OR2A2: variants seen among roughly 807,000 people sequenced by gnomAD.
OR2A2 encodes the protein olfactory receptor 2A2.
For missense variants in OR2A2, 380 were observed against 384.8 expected, an observed-to-expected ratio of 0.99 and a Z score of 0.10; for synonymous variants, 163 against 154.8, an observed-to-expected ratio of 1.05 and a Z score of -0.40.
At position 144,109,888 on chromosome 7, in the gene OR2A2, G is replaced by A. The variant is rs367713543; in HGVS notation, c.306G>A (p.Leu102=). ...TTCCATGCATAATGCAGACTTTTTT[G>A]TATTTGGCTTTTGCTGTTACAGAGT... ...SFVPCIMQTF[L]YLAFAVTECL... is the part of the protein sequence containing the mutation. Residue 102 remains leucine (L), a synonymous_variant, in exon 1 of 1, where the codon TTG becomes TTA. Transcript: ENST00000408979. 5.0e-6 allele frequency: 8 copies of A among 1,613,968 alleles called. No homozygotes were observed. In the African/African-American group the frequency reaches 5.3e-5, roughly 11 times the overall value.
Position 144,109,767 on chromosome 7 carries a change from T to C in OR2A2, c.185T>C (p.Leu62Pro). 6.2e-7 allele frequency: 1 copy of C among 1,614,142 alleles called. No individual in the cohort carries two copies. The highest frequency in any genetic ancestry group is 8.5e-7 in the Non-Finnish European group (1 of 1,179,968). ...SKLHTPMYFF[L>P]SHLAIIDMSY... ...CTTCACACACCCATGTACTTCTTCC[T>C]CTCACACCTGGCCATCATTGACATG... Residue 62 changes from leucine (L) to proline (P), a missense_variant, in exon 1 of 1, where the codon CTC becomes CCC. Physicochemically the swap from Leu to Pro is moderately conservative, Grantham distance 98. Coordinates refer to ENST00000408979, the MANE Select transcript of OR2A2 (RefSeq NM_001005480.2).
At position 144,109,792 on chromosome 7, in the gene OR2A2, G is replaced by A. The variant is rs1173078389; in HGVS notation, c.210G>A (p.Met70Ile). The change falls in exon 1 of 1, where the codon ATG becomes ATA. Residue 70 changes from methionine (M) to isoleucine (I), a missense_variant. Met to Ile is a conservative substitution (Grantham distance 10, BLOSUM62 1). Coordinates refer to ENST00000408979, the MANE Select transcript of OR2A2 (RefSeq NM_001005480.2). ...FFLSHLAIID[M>I]SYASNNVPKM... The stretch of plus-strand genomic sequence containing the variant: ...TCTCACACCTGGCCATCATTGACAT[G>A]TCCTATGCTTCCAACAATGTTCCCA... The A allele has an allele frequency of 3.1e-6, 5 of 1,613,950 alleles. No homozygotes were observed. In the African/African-American group the frequency reaches 5.3e-5, roughly 17 times the overall value.
At position 144,110,039 on chromosome 7, in the gene OR2A2, GC is replaced by G; in HGVS notation, c.460del (p.Leu154CysfsTer10). On this transcript the variant is annotated frameshift_variant, in exon 1 of 1. Coordinates refer to ENST00000408979, the MANE Select transcript of OR2A2 (RefSeq NM_001005480.2). LOFTEE classifies it low-confidence loss of function (END_TRUNC). ...LVLTSWSCGF[A>X]LSLVHEILLL... ...TCTCACGTCCTGGTCATGTGGGTTT[GC>G]CCTGTCCCTGGTACATGAAATTCTC... 6.2e-7 allele frequency: 1 copy of G among 1,613,946 alleles called. No individual in the cohort carries two copies. Among genetic ancestry groups the G allele is most frequent in the Non-Finnish European group, 8.5e-7 (1 of 1,179,910 alleles).
In OR2A2 at chr7:144,110,272, G is replaced by T. The variant is rs1196779715; in HGVS notation, c.690G>T (p.Lys230Asn). ...GGGCCATCCTGAAGATCCAGACAAAGGAGGGCCGCATAAAGGCCTTCTCCA... is the reference window on the plus strand; with the variant it reads ...GGGCCATCCTGAAGATCCAGACAAATGAGGGCCGCATAAAGGCCTTCTCCA... ...ILGAILKIQTKEGRIKAFSTC... is the reference protein window; with the variant it reads ...ILGAILKIQTNEGRIKAFSTC... Residue 230 changes from lysine to asparagine, a missense_variant, in exon 1 of 1, where the codon AAG becomes AAT. Lys to Asn is a moderately conservative substitution (Grantham distance 94). Transcript: ENST00000408979. The T allele has an allele frequency of 3.7e-6, 6 of 1,613,750 alleles. No homozygotes were observed. Among genetic ancestry groups the T allele is most frequent in the Non-Finnish European group, 5.1e-6 (6 of 1,179,862 alleles).
In OR2A2 at chr7:144,109,775, C is replaced by G. The variant is rs1031257932; in HGVS notation, c.193C>G (p.Leu65Val). The change falls in exon 1 of 1, where the codon CTG becomes GTG. Residue 65 changes from leucine to valine, a missense_variant. Coordinates refer to ENST00000408979, the MANE Select transcript of OR2A2 (RefSeq NM_001005480.2). ...ACCCATGTACTTCTTCCTCTCACAC[C>G]TGGCCATCATTGACATGTCCTATGC... ...HTPMYFFLSH[L>V]AIIDMSYASN... 7 of 1,614,132 alleles carry G rather than the reference C, an allele frequency of 4.3e-6. No homozygotes were observed. The highest frequency in any genetic ancestry group is 2.2e-5 in the East Asian group (1 of 44,882).
chr7:144,110,238 A>G lies in OR2A2; in HGVS notation c.656A>G (p.His219Arg). ...PLSLILVSYM[H>R]ILGAILKIQT... Reference sequence around the variant, plus strand: ...TCCTTGATTCTGGTCTCCTACATGCACATCCTCGGGGCCATCCTGAAGATC... The same window carrying G: ...TCCTTGATTCTGGTCTCCTACATGCGCATCCTCGGGGCCATCCTGAAGATC... The change falls in exon 1 of 1, where the codon CAC (histidine) becomes CGC (arginine). Residue 219 changes from histidine to arginine, a missense_variant. His to Arg is a conservative substitution (Grantham distance 29, BLOSUM62 0). Transcript: ENST00000408979. 6.2e-7 allele frequency: 1 copy of G among 1,614,030 alleles called. No individual in the cohort carries two copies. The highest frequency in any genetic ancestry group is 1.1e-5 in the South Asian group (1 of 91,078).
Position 144,109,608 on chromosome 7 carries a change from C to T in OR2A2, c.26C>T (p.Thr9Ile). 6.2e-7 allele frequency: 1 copy of T among 1,612,758 alleles called. No homozygotes were observed. Among genetic ancestry groups the T allele is most frequent in the Non-Finnish European group, 8.5e-7 (1 of 1,179,090 alleles). MEGNQTWI[T>I]DITLLGFQVG... ...ATGGAAGGCAACCAGACATGGATCACAGACATCACCCTGCTGGGATTCCAG... is the reference window on the plus strand; with the variant it reads ...ATGGAAGGCAACCAGACATGGATCATAGACATCACCCTGCTGGGATTCCAG... Residue 9 changes from threonine (T) to isoleucine (I), a missense_variant, in exon 1 of 1, where the codon ACA becomes ATA. Physicochemically the swap from Thr to Ile is moderately conservative, Grantham distance 89. Transcript: ENST00000408979.
In OR2A2 at chr7:144,109,876, G is replaced by A. The variant is rs2128805010; in HGVS notation, c.294G>A (p.Met98Ile). Residue 98 changes from methionine to isoleucine, a missense_variant, in exon 1 of 1, where the codon ATG becomes ATA. Met to Ile is a conservative substitution (Grantham distance 10, BLOSUM62 1). Transcript: ENST00000408979. ...CCATCTCCTTTGTTCCATGCATAAT[G>A]CAGACTTTTTTGTATTTGGCTTTTG... ...KRTISFVPCI[M>I]QTFLYLAFAV... The A allele has an allele frequency of 2.5e-6, 4 of 1,614,094 alleles. No individual in the cohort carries two copies. The South Asian group carries it at 3.3e-5, about 13-fold the overall frequency.
In OR2A2 at chr7:144,110,229, C is replaced by T. The variant is rs755445994; in HGVS notation, c.647C>T (p.Ser216Phe). The T allele has an allele frequency of 1.2e-6, 2 of 1,614,096 alleles. No homozygotes were observed. The highest frequency in any genetic ancestry group is 1.1e-5 in the South Asian group (1 of 91,074). The change falls in exon 1 of 1, where the codon TCC becomes TTC. Residue 216 changes from serine to phenylalanine, a missense_variant. Transcript: ENST00000408979. ...LVGPLSLILV[S>F]YMHILGAILK... ...GGGCCTCTTTCCTTGATTCTGGTCTCCTACATGCACATCCTCGGGGCCATC... is the reference window on the plus strand; with the variant it reads ...GGGCCTCTTTCCTTGATTCTGGTCTTCTACATGCACATCCTCGGGGCCATC...
At position 144,109,976 on chromosome 7, in the gene OR2A2, A is replaced by G. The variant is rs747290203; in HGVS notation, c.394A>G (p.Thr132Ala). The G allele has an allele frequency of 2.5e-6, 4 of 1,613,980 alleles. No individual in the cohort carries two copies. The South Asian group carries it at 4.4e-5, about 18-fold the overall frequency. Residue 132 changes from threonine to alanine, a missense_variant, in exon 1 of 1, where the codon ACT (threonine) becomes GCT (alanine). Transcript: ENST00000408979. Reference protein sequence around the residue: ...YVAICHPFQYTVIMSWRVCTI... With the variant: ...YVAICHPFQYAVIMSWRVCTI... ...GGCCATCTGCCACCCTTTCCAGTACACTGTCATCATGAGCTGGAGAGTGTG... is the reference window on the plus strand; with the variant it reads ...GGCCATCTGCCACCCTTTCCAGTACGCTGTCATCATGAGCTGGAGAGTGTG...
At position 144,109,675 on chromosome 7, in the gene OR2A2, T is replaced by C; in HGVS notation, c.93T>C (p.Ser31=). Residue 31 remains serine, a synonymous_variant, in exon 1 of 1, where the codon TCT becomes TCC. Transcript: ENST00000408979. The stretch of plus-strand genomic sequence containing the variant: ...CGATTCTCCTCTGTGGACTCTTCTC[T>C]GTCTTCTATACACTCACCCTGCTGG... The part of the protein sequence containing the change: ...ALAILLCGLF[S]VFYTLTLLGN... 2.5e-6 allele frequency: 4 copies of C among 1,613,980 alleles called. No homozygotes were observed. The highest frequency in any genetic ancestry group is 1.7e-4 in the Middle Eastern group (1 of 6,058).
rs768549774 is a variant in OR2A2, at chr7:144,109,615, C to G, written c.33C>G (p.Ile11Met). MEGNQTWITD[I>M]TLLGFQVGPA... ...GCAACCAGACATGGATCACAGACAT[C>G]ACCCTGCTGGGATTCCAGGTTGGTC... Residue 11 changes from isoleucine to methionine, a missense_variant, in exon 1 of 1, where the codon ATC becomes ATG. Ile to Met is a conservative substitution (Grantham distance 10). Coordinates refer to ENST00000408979, the MANE Select transcript of OR2A2 (RefSeq NM_001005480.2). 3 of 1,613,314 alleles carry G rather than the reference C, an allele frequency of 1.9e-6. No individual in the cohort carries two copies. The South Asian group carries it at 3.3e-5, about 18-fold the overall frequency.
At position 144,109,872 on chromosome 7, in the gene OR2A2, T is replaced by C; in HGVS notation, c.290T>C (p.Ile97Thr). Residue 97 changes from isoleucine to threonine, a missense_variant, in exon 1 of 1, where the codon ATA becomes ACA. Physicochemically the swap from Ile to Thr is moderately conservative, Grantham distance 89. Coordinates refer to ENST00000408979, the MANE Select transcript of OR2A2 (RefSeq NM_001005480.2). ...QKRTISFVPCIMQTFLYLAFA... is the reference protein window; with the variant it reads ...QKRTISFVPCTMQTFLYLAFA... Reference sequence around the variant, plus strand: ...AGAACCATCTCCTTTGTTCCATGCATAATGCAGACTTTTTTGTATTTGGCT... The same window carrying C: ...AGAACCATCTCCTTTGTTCCATGCACAATGCAGACTTTTTTGTATTTGGCT... The C allele has an allele frequency of 1.2e-6, 2 of 1,614,146 alleles. No homozygotes were observed. Among genetic ancestry groups the C allele is most frequent in the Non-Finnish European group, 1.7e-6 (2 of 1,179,974 alleles).
In OR2A2 at chr7:144,109,593, A is replaced by T; in HGVS notation, c.11A>T (p.Asn4Ile). The change falls in exon 1 of 1, where the codon AAC (asparagine) becomes ATC (isoleucine). Residue 4 changes from asparagine (N) to isoleucine (I), a missense_variant. By Grantham distance (149) the Asn-to-Ile change is moderately radical. Coordinates refer to ENST00000408979, the MANE Select transcript of OR2A2 (RefSeq NM_001005480.2). MEG[N>I]QTWITDITLL... Reference sequence around the variant, plus strand: ...CTCTGCCACAAGAGCATGGAAGGCAACCAGACATGGATCACAGACATCACC... The same window carrying T: ...CTCTGCCACAAGAGCATGGAAGGCATCCAGACATGGATCACAGACATCACC... The T allele has an allele frequency of 6.2e-7, 1 of 1,610,142 alleles. No individual in the cohort carries two copies. Among genetic ancestry groups the T allele is most frequent in the Non-Finnish European group, 8.5e-7 (1 of 1,177,148 alleles).
In OR2A2 at chr7:144,110,330, T is replaced by G; in HGVS notation, c.748T>G (p.Phe250Val). The G allele has an allele frequency of 1.2e-6, 2 of 1,614,092 alleles. No individual in the cohort carries two copies. Among genetic ancestry groups the G allele is most frequent in the Non-Finnish European group, 1.7e-6 (2 of 1,179,952 alleles). Residue 250 changes from phenylalanine (F) to valine (V), a missense_variant, in exon 1 of 1, where the codon TTC (phenylalanine) becomes GTC (valine). Transcript: ENST00000408979. Reference protein sequence around the residue: ...CSSHLCVVGLFFGIAMVVYMV... With the variant: ...CSSHLCVVGLVFGIAMVVYMV... ...CTCCCACCTGTGTGTGGTTGGACTA[T>G]TCTTTGGCATAGCCATGGTGGTTTA...
In OR2A2 at chr7:144,110,025, G is replaced by C. The variant is rs758530486; in HGVS notation, c.443G>C (p.Trp148Ser). ...RVCTILVLTS[W>S]SCGFALSLVH... ...TGCACGATCCTGGTTCTCACGTCCT[G>C]GTCATGTGGGTTTGCCCTGTCCCTG... is the stretch of plus-strand genomic sequence containing the variant. The change falls in exon 1 of 1, where the codon TGG (tryptophan) becomes TCG (serine). Residue 148 changes from tryptophan to serine, a missense_variant. Transcript: ENST00000408979. The C allele has an allele frequency of 9.3e-6, 15 of 1,613,984 alleles. 1 individual carries two copies. In the South Asian group the frequency reaches 1.6e-4, roughly 18 times the overall value.
At position 144,110,242 on chromosome 7, in the gene OR2A2, C is replaced by T. The variant is rs777302846; in HGVS notation, c.660C>T (p.Ile220=). Residue 220 remains isoleucine (I), a synonymous_variant, in exon 1 of 1, where the codon ATC becomes ATT. Coordinates refer to ENST00000408979, the MANE Select transcript of OR2A2 (RefSeq NM_001005480.2). ...LSLILVSYMH[I]LGAILKIQTK... is the part of the protein sequence containing the mutation. Reference sequence around the variant, plus strand: ...TGATTCTGGTCTCCTACATGCACATCCTCGGGGCCATCCTGAAGATCCAGA... The same window carrying T: ...TGATTCTGGTCTCCTACATGCACATTCTCGGGGCCATCCTGAAGATCCAGA... The T allele has an allele frequency of 6.2e-7, 1 of 1,614,102 alleles. No homozygotes were observed. The highest frequency in any genetic ancestry group is 2.2e-5 in the East Asian group (1 of 44,878).
rs748028108 is a variant in OR2A2 at position 144,110,518 on chromosome 7, G to A, written c.936G>A (p.Thr312=). The change falls in exon 1 of 1, where the codon ACG becomes ACA. Residue 312 remains threonine (T), a synonymous_variant. Coordinates refer to ENST00000408979, the MANE Select transcript of OR2A2 (RefSeq NM_001005480.2). ...TCCAGAGGAAGAGGTCCATGAGAACGGTGTATGGGCTTTGCCTTTAAAACA... is the reference window on the plus strand; with the variant it reads ...TCCAGAGGAAGAGGTCCATGAGAACAGTGTATGGGCTTTGCCTTTAAAACA... ...RALQRKRSMR[T]VYGLCL is the part of the protein sequence containing the mutation. The A allele has an allele frequency of 1.2e-5, 20 of 1,605,938 alleles. No individual in the cohort carries two copies. The East Asian group carries it at 1.6e-4, about 13-fold the overall frequency.
rs1347973367 is a variant in OR2A2 at position 144,110,199 on chromosome 7, T to C, written c.617T>C (p.Leu206Ser). The C allele has an allele frequency of 5.0e-6, 8 of 1,614,070 alleles. No homozygotes were observed. The East Asian group carries it at 8.9e-5, about 18-fold the overall frequency. The change falls in exon 1 of 1, where the codon TTA becomes TCA. Residue 206 changes from leucine (L) to serine (S), a missense_variant. Transcript: ENST00000408979. The stretch of plus-strand genomic sequence containing the variant: ...ATATTTGCTACCTGTGTGTTTGTCT[T>C]AGTCGGGCCTCTTTCCTTGATTCTG... Reference protein sequence around the residue: ...VVIFATCVFVLVGPLSLILVS... With the variant: ...VVIFATCVFVSVGPLSLILVS...
Sources: gnomAD v4.1 joint callset for allele counts on GRCh38, gnomAD v4.1.1 for gene constraint, MANE v1.5 for transcripts, NCBI Gene and HGNC (gene_info 2026-07-23, HGNC 2026-07-21) for gene names.